SGCG: variants seen among roughly 807,000 people sequenced by gnomAD.
The protein encoded by SGCG is sarcoglycan gamma.
Under a neutral mutation model 29.3 loss-of-function variants are expected in SGCG, and 26 were observed. The observed-to-expected ratio is 0.89, with a 90% CI of 0.65 to 1.23. SGCG has a LOEUF of 1.23. SGCG is among the 50% of genes most tolerant of loss of function. SGCG has a pLI of 0.00. For synonymous variants in SGCG, 145 were observed against 129.7 expected, an observed-to-expected ratio of 1.12 and a Z score of -0.80; for missense variants, 353 against 356.0, an observed-to-expected ratio of 0.99 and a Z score of 0.07.
intron 2 of SGCG, among the ~76,000 whole-genome samples, chr13:23,211,484 C>T (rs958083754): frequency 4.0e-5 from 6 of 151,776 alleles, no homozygotes; most frequent in Non-Finnish European, 4.4e-5. Context: ...GAGCTTGACC[C>T]CCCCTTTCAC....
intron 6 of SGCG, among the ~76,000 whole-genome samples, chr13:23,309,341 A>G (rs757093915): frequency 6.6e-6 from 1 of 152,160 alleles, no homozygotes; most frequent in Admixed American, 6.5e-5. Flanking sequence ...CTTCTGCCTC[A>G]AATGATCCTT....
intron 1 of SGCG, among the ~76,000 whole-genome samples, chr13:23,198,885 G>T: frequency 6.8e-6 from 1 of 146,728 alleles, no homozygotes; most frequent in African/African-American, 2.5e-5. Context: ...GAGGCAGGCG[G>T]ATCACGAGGT....
At chr13:23,162,850 T>A in the SGCG span, among the ~76,000 whole-genome samples, 5 of 151,776 alleles carry the variant, frequency 3.3e-5, no homozygotes, top group African/African-American at 1.2e-4. Context: ...AAATAAATAA[T>A]AAATAAATAA....
chr13:23,196,668 A>G lies in SGCG; in HGVS notation c.1-7027A>G, dbSNP rs899128763. 2.0e-5 allele frequency among the ~76,000 whole-genome samples: 3 copies of G among 151,994 alleles called. No homozygotes were observed. In the South Asian group the frequency reaches 6.2e-4, roughly 31 times the overall value. On this transcript the variant is annotated intron_variant, in intron 1 of 7. Coordinates refer to ENST00000218867, the MANE Select transcript of SGCG (RefSeq NM_000231.3). ...GATTATTTATATTTTAAGGATATTA[A>G]CCTTGTCCTATCTTTAAGGCAAATA...
intron 7 of SGCG, among the ~76,000 whole-genome samples, chr13:23,323,987 C>A (rs1883140820): frequency 6.6e-6 from 1 of 152,072 alleles, no homozygotes; most frequent in South Asian, 2.1e-4. Context: ...ATATGTTTGA[C>A]AAATAATTCT....
chr13:23,306,169 A>G (rs117282409), intron 6 of SGCG, among the ~76,000 whole-genome samples: 9,341 of 152,202 alleles, frequency 0.061, 333 homozygotes, highest in South Asian at 0.098. Context: ...TGGCTATGCT[A>G]TGATTATAAA....
intron 1 of SGCG, among the ~76,000 whole-genome samples, chr13:23,189,018 T>A (rs1877128704): frequency 1.3e-5 from 2 of 152,324 alleles, no homozygotes; most frequent in South Asian, 4.1e-4. Context: ...ACTAACCTTT[T>A]GTTCTTCAAG....
In SGCG at chr13:23,299,437, TATATATATATATATA is replaced by T. The variant is rs1235003059; in HGVS notation, c.578+3951_578+3965del. ...ATATATATATATATATATATATATATATATATATATATATATATATTTTTTTTTTTTTTTTAGTCG... is the reference window on the plus strand; with the variant it reads ...ATATATATATATATATATATATATATTATATTTTTTTTTTTTTTTTAGTCG... On this transcript the variant is annotated intron_variant, in intron 6 of 7. Transcript: ENST00000218867. 7.4e-3 allele frequency among the ~76,000 whole-genome samples: 144 copies of T among 19,580 alleles called. 17 individuals are homozygous for T. The highest frequency in any genetic ancestry group is 0.073 in the East Asian group (57 of 782). 12.8% of individuals were successfully genotyped at this position (19,580 alleles called of 152,430 possible).
intron 6 of SGCG, among the ~76,000 whole-genome samples, chr13:23,311,061 T>C (rs1882579568): frequency 6.6e-6 from 1 of 152,250 alleles, no homozygotes; most frequent in Admixed American, 6.5e-5. Context: ...TGAAGATCTA[T>C]AGATTGTACA....
At chr13:23,229,607 G>A (rs1182854993) in intron 2 of SGCG, among the ~76,000 whole-genome samples, 1 of 152,096 alleles carries the variant, frequency 6.6e-6, no homozygotes, top group Non-Finnish European at 1.5e-5. Context: ...AAGTGTTCAT[G>A]TCCTTTCCCC....
At chr13:23,281,199 G>A (rs781217128) in intron 5 of SGCG, among the ~76,000 whole-genome samples, 4 of 152,008 alleles carry the variant, frequency 2.6e-5, no homozygotes, top group Admixed American at 1.3e-4. Flanking sequence ...AATTATCCAG[G>A]CGTAGTGGTG....
intron 5 of SGCG, 98 bp downstream of exon 5, chr13:23,279,576 G>A (rs1881223198): frequency 8.0e-7 from 1 of 1,243,612 alleles, no homozygotes; most frequent in Non-Finnish European, 1.2e-6. Flanking sequence ...CTTTCAAGCA[G>A]ATAAGAGAGT....
intron 4 of SGCG, among the ~76,000 whole-genome samples, chr13:23,278,969 G>C (rs1166322620): frequency 6.6e-6 from 1 of 152,274 alleles, no homozygotes; most frequent in East Asian, 1.9e-4. Context: ...TGAGCCATTC[G>C]TAAGATGGTC....
intron 6 of SGCG, among the ~76,000 whole-genome samples, chr13:23,299,440 AT>A (rs1882048940): frequency 1.9e-4 from 1 of 5,258 alleles, no homozygotes; most frequent in Non-Finnish European, 3.9e-4. Flanking sequence ...ATATATATAT[AT>A]ATATATATAT....
chr13:23,275,049 AATAAAAG>A (rs1881015665), intron 4 of SGCG, among the ~76,000 whole-genome samples: 1 of 150,520 alleles, frequency 6.6e-6, no homozygotes, highest in African/African-American at 2.4e-5. Context: ...GAGAGGAATG[AATAAAAG>A]ATTGTGTAGG....
At chr13:23,198,155 G>C (rs1280710784) in intron 1 of SGCG, among the ~76,000 whole-genome samples, 3 of 152,126 alleles carry the variant, frequency 2.0e-5, no homozygotes, top group Non-Finnish European at 1.5e-5. Context: ...TAAAAGGTCT[G>C]TTTTGTTCTT....
chr13:23,244,020 CT>C (rs1212916330), intron 3 of SGCG: 9 of 152,018 alleles, frequency 5.9e-5, no homozygotes, highest in African/African-American at 2.2e-4. Flanking sequence ...GCTCTTAAGA[CT>C]ATTTTCCTTT....
intron 2 of SGCG, among the ~76,000 whole-genome samples, chr13:23,215,469 G>A (rs1044492643): frequency 2.0e-5 from 3 of 151,924 alleles, no homozygotes; most frequent in African/African-American, 7.3e-5. Context: ...ACTGGGTAAG[G>A]GTCTCGGTTT....
At chr13:23,179,476 A>G (rs764914773), upstream of SGCG, among the ~76,000 whole-genome samples, 23 of 152,264 alleles carry the variant, frequency 1.5e-4, no homozygotes, top group Admixed American at 2.6e-4. Flanking sequence ...CTTTACATGC[A>G]TGACATTTCA....
Sources: gnomAD v4.1 joint callset for allele counts (sites outside exome capture counted in the v4.1 genomes callset) on GRCh38, gnomAD v4.1.1 for gene constraint, MANE v1.5 for transcripts, NCBI Gene and HGNC (gene_info 2026-07-23, HGNC 2026-07-21) for gene names.